Variants in PRKG1 observed in about 807,000 individuals in gnomAD.
PRKG1 encodes the protein cGMP-dependent protein kinase 1.
Under a neutral mutation model 88.1 loss-of-function variants are expected in PRKG1, and 35 were observed. That is an observed-to-expected ratio of 0.40 (90% CI 0.30 to 0.53). The LOEUF is 0.53. PRKG1 is among the 20% of genes least tolerant of loss of function. The probability of loss-of-function intolerance (pLI) is 0.59; values close to 1 mark genes in which losing one functional copy is unlikely to be tolerated. For missense variants in PRKG1, 540 were observed against 839.8 expected, an observed-to-expected ratio of 0.64 and a Z score of 4.41; for synonymous variants, 303 against 292.5, an observed-to-expected ratio of 1.04 and a Z score of -0.37.
At position 50,996,361 on chromosome 10, in the gene PRKG1, A is replaced by G. The variant is rs111641090; in HGVS notation, c.266+4717A>G. Among the ~76,000 whole-genome samples the G allele has an allele frequency of 9.8e-3, 1,493 of 152,312 alleles. 15 individuals are homozygous for G. Among genetic ancestry groups the G allele is most frequent in the African/African-American group, 0.024 (999 of 41,574 alleles). On this transcript the variant is annotated intron_variant, in intron 1 of 17. Transcript: ENST00000401604. Reference sequence around the variant, plus strand: ...CCCAAGTACTCAACCACTATACTATATGAACTTGGAATAGGACTGGTTCTA... The same window carrying G: ...CCCAAGTACTCAACCACTATACTATGTGAACTTGGAATAGGACTGGTTCTA...
chr10:51,865,730 G>A (rs1840998024), intron 4 of PRKG1, among the ~76,000 whole-genome samples: 1 of 151,948 alleles, frequency 6.6e-6, no homozygotes, highest in African/African-American at 2.4e-5. Flanking sequence ...GAGTACTCAG[G>A]AATGGTTTGG....
In PRKG1 at chr10:51,266,886, A is replaced by G. The variant is rs146079451; in HGVS notation, c.478+113556A>G. Among the ~76,000 whole-genome samples, 240 of 152,248 alleles carry G rather than the reference A, an allele frequency of 1.6e-3. 2 individuals are homozygous for G. Among genetic ancestry groups the G allele is most frequent in the African/African-American group, 5.4e-3 (226 of 41,506 alleles). On this transcript the variant is annotated intron_variant, in intron 2 of 17. Coordinates refer to ENST00000373980, the MANE Select transcript of PRKG1 (RefSeq NM_006258.4). Reference sequence around the variant, plus strand: ...TTATTTATTTAACTCCTATTTAGTTATAACATTTCTTATAGGCCAATATCT... The same window carrying G: ...TTATTTATTTAACTCCTATTTAGTTGTAACATTTCTTATAGGCCAATATCT...
At chr10:51,388,832 T>C (rs1288583344) in intron 2 of PRKG1, among the ~76,000 whole-genome samples, 15 of 152,332 alleles carry the variant, frequency 9.8e-5, no homozygotes, top group Non-Finnish European at 2.1e-4. Flanking sequence ...TAAAAGGAAG[T>C]TTTTTTCTCA....
At chr10:51,612,303 GT>G in intron 3 of PRKG1, among the ~76,000 whole-genome samples, 1 of 151,818 alleles carries the variant, frequency 6.6e-6, no homozygotes, top group East Asian at 1.9e-4. Context: ...GTCCTCTTCA[GT>G]TTTTTTCTTC....
At chr10:51,455,038 T>G (rs148342472) in intron 2 of PRKG1, among the ~76,000 whole-genome samples, 1 of 152,352 alleles carries the variant, frequency 6.6e-6, no homozygotes, top group African/African-American at 2.4e-5. Context: ...ATGTATGCAT[T>G]CCCATACATC....
intron 1 of PRKG1, among the ~76,000 whole-genome samples, chr10:51,152,790 A>C: frequency 6.6e-6 from 1 of 151,974 alleles, no homozygotes; most frequent in East Asian, 1.9e-4. Context: ...GAATGTTGAA[A>C]TTTTATTCAT....
At chr10:51,977,944 T>G (rs903055939) in intron 5 of PRKG1, among the ~76,000 whole-genome samples, 2 of 152,136 alleles carry the variant, frequency 1.3e-5, no homozygotes, top group Non-Finnish European at 2.9e-5. Context: ...GTTGATAGTT[T>G]CTTTTATTTT....
chr10:51,563,043 G>C (rs561846520), intron 3 of PRKG1, among the ~76,000 whole-genome samples: 2 of 152,152 alleles, frequency 1.3e-5, no homozygotes, highest in Non-Finnish European at 2.9e-5. Context: ...GCCTCCCAAA[G>C]TATGAGGATT....
chr10:52,072,265 T>C (rs185635935), intron 7 of PRKG1, among the ~76,000 whole-genome samples: 41 of 150,452 alleles, frequency 2.7e-4, no homozygotes, highest in African/African-American at 9.8e-4. Context: ...GTGAATAATC[T>C]ATGGAAAAAG....
intron 10 of PRKG1, chr10:52,252,962 G>T (rs1265911868): frequency 6.6e-6 from 1 of 151,900 alleles, no homozygotes; most frequent in Admixed American, 6.6e-5. Flanking sequence ...ATAATTGTCT[G>T]TATAGCTAAT....
intron 3 of PRKG1, among the ~76,000 whole-genome samples, chr10:51,607,889 T>C (rs1838808576): frequency 6.6e-6 from 1 of 152,192 alleles, no homozygotes; most frequent in Non-Finnish European, 1.5e-5. Context: ...TAGCTACCAC[T>C]AGTGCTTCTT....
intron 9 of PRKG1, among the ~76,000 whole-genome samples, chr10:52,217,999 G>A (rs1840152966): frequency 6.6e-6 from 1 of 152,048 alleles, no homozygotes; most frequent in East Asian, 1.9e-4. Flanking sequence ...GGTTCACAAG[G>A]TCAGGAGTTC....
intron 2 of PRKG1, among the ~76,000 whole-genome samples, chr10:51,273,489 G>T (rs905996275): frequency 2.6e-5 from 4 of 152,086 alleles, no homozygotes; most frequent in Non-Finnish European, 4.4e-5. Flanking sequence ...GCGCCACTGG[G>T]TTCCCACCTG....
intron 2 of PRKG1, among the ~76,000 whole-genome samples, chr10:51,273,033 T>G (rs1017648510): frequency 6.6e-6 from 1 of 152,182 alleles, no homozygotes. Flanking sequence ...CTTTTTCCAT[T>G]GACAGACATA....
intron 3 of PRKG1, among the ~76,000 whole-genome samples, chr10:51,654,979 C>G (rs1329982570): frequency 6.6e-6 from 1 of 152,092 alleles, no homozygotes; most frequent in Non-Finnish European, 1.5e-5. Flanking sequence ...TATTTCAGCC[C>G]AGTTTAGAAT....
At chr10:51,756,787 C>T (rs555023333) in intron 3 of PRKG1, among the ~76,000 whole-genome samples, 3 of 151,640 alleles carry the variant, frequency 2.0e-5, no homozygotes, top group Non-Finnish European at 4.4e-5. Flanking sequence ...TGCACTCCAG[C>T]CTGGGTGACA....
chr10:52,291,969 ATTG>A (rs1184040308), intron 17 of PRKG1, among the ~76,000 whole-genome samples: 1 of 152,028 alleles, frequency 6.6e-6, no homozygotes, highest in Non-Finnish European at 1.5e-5. Flanking sequence ...ATGGTATCTC[ATTG>A]TTGTGTTGAT....
intron 9 of PRKG1, among the ~76,000 whole-genome samples, chr10:52,165,114 A>T (rs887111917): frequency 1.3e-5 from 2 of 152,194 alleles, no homozygotes; most frequent in East Asian, 3.8e-4. Context: ...CTTTATTCCT[A>T]AAACCAGCCA....
intron 4 of PRKG1, among the ~76,000 whole-genome samples, chr10:51,833,165 A>G (rs552379995): frequency 5.5e-4 from 84 of 152,186 alleles, no homozygotes; most frequent in Non-Finnish European, 1.1e-3. Flanking sequence ...TTGCTGAGTC[A>G]TGCACTCAAA....
Sources: allele counts gnomAD v4.1 joint callset (sites outside exome capture counted in the v4.1 genomes callset), GRCh38; gene constraint gnomAD v4.1.1; transcripts MANE v1.5; gene names NCBI Gene and HGNC (gene_info 2026-07-23, HGNC 2026-07-21).